RP1: variants seen among roughly 807,000 people sequenced by gnomAD.
RP1 encodes the protein RP1 axonemal microtubule associated, also known as oxygen-regulated protein 1.
RP1 carries 16 observed loss-of-function variants against 14.8 expected under a neutral mutation model. That is an observed-to-expected ratio of 1.08 (90% CI 0.73 to 1.65). The LOEUF (loss-of-function observed/expected upper bound fraction) is 1.65, where lower values mean the gene tolerates loss of function less well. Among genes scored for constraint, RP1 ranks in the 40% most tolerant of loss-of-function variants. The pLI is 0.00. For synonymous variants in RP1, 876 were observed against 883.6 expected (o/e 0.99, Z 0.15); for missense variants, 2,631 against 2,535.0 (o/e 1.04, Z -0.81).
intron 25 of RP1, among the ~76,000 whole-genome samples, chr8:54,847,548 T>G (rs960879836): frequency 6.6e-6 from 1 of 152,210 alleles, no homozygotes; most frequent in Non-Finnish European, 1.5e-5. Context: ...CATTTTAGAT[T>G]GTGCGATCTT....
At chr8:54,581,140 T>G (rs1463014520) in intron 1 of RP1, among the ~76,000 whole-genome samples, 1 of 152,164 alleles carries the variant, frequency 6.6e-6, no homozygotes, top group Non-Finnish European at 1.5e-5. Flanking sequence ...TATCTCCTAA[T>G]GCTATCCCTC....
chr8:54,750,813 C>T (rs985079824), intron 19 of RP1, among the ~76,000 whole-genome samples: 23 of 152,160 alleles, frequency 1.5e-4, no homozygotes, highest in African/African-American at 5.1e-4. Context: ...ACGCACCAAT[C>T]AGTGGTCTGT....
At chr8:54,856,098 T>G (rs1220174683) in intron 26 of RP1, among the ~76,000 whole-genome samples, 2 of 152,110 alleles carry the variant, frequency 1.3e-5, no homozygotes, top group Non-Finnish European at 2.9e-5. Flanking sequence ...AGTGGATAAA[T>G]AATTTCGAGT....
In RP1 at chr8:54,787,146, T is replaced by C. The variant is rs532901007; in HGVS notation, c.3615+3436T>C. 3.5e-4 allele frequency among the ~76,000 whole-genome samples: 54 copies of C among 152,252 alleles called. 1 individual carries two copies. In the South Asian group the frequency reaches 4.6e-3, roughly 13 times the overall value. On this transcript the variant is annotated intron_variant, in intron 24 of 28. Coordinates refer to the RP1 transcript ENST00000637698. ...CAGCAATTTTGATATATACCCTCTA[T>C]AGACTATAGAGTTCAGCTCTATGGT...
intron 13 of RP1, among the ~76,000 whole-genome samples, chr8:54,700,936 A>G (rs1438542075): frequency 6.6e-6 from 1 of 152,130 alleles, no homozygotes; most frequent in East Asian, 1.9e-4. Context: ...TGATAGACTT[A>G]GTGTTTTGGA....
exon 26 of RP1, chr8:54,852,679 G>A (rs1168430795): frequency 5.7e-6 from 7 of 1,231,878 alleles, no homozygotes; most frequent in Admixed American, 4.2e-5. Context: ...TCAGGAAAAC[G>A]AAGACTTCAT....
In RP1 at chr8:54,621,264, G is replaced by A. The variant is rs773121520; in HGVS notation, c.298G>A (p.Asp100Asn). 8.7e-6 allele frequency: 14 copies of A among 1,613,980 alleles called. No homozygotes were observed. Among genetic ancestry groups the A allele is most frequent in the Non-Finnish European group, 1.1e-5 (13 of 1,180,040 alleles). Residue 100 changes from aspartate to asparagine, a missense_variant, in exon 2 of 4, where the codon GAC becomes AAC. By Grantham distance (23) the Asp-to-Asn change is conservative (BLOSUM62 1). Coordinates refer to ENST00000220676, the MANE Select transcript of RP1 (RefSeq NM_006269.2). ...CATCACGCGCCTGGAGGAGCTGGAGGACGGCGAGTCCTACCTATGTTCCCA... is the reference window on the plus strand; with the variant it reads ...CATCACGCGCCTGGAGGAGCTGGAGAACGGCGAGTCCTACCTATGTTCCCA... ...HSITRLEELE[D>N]GESYLCSHGR...
chr8:54,663,825 G>C lies in RP1; in HGVS notation c.1298G>C (p.Ser433Thr), dbSNP rs971203515. Residue 433 changes from serine to threonine, a missense_variant, in exon 7 of 23, where the codon AGC becomes ACC. By Grantham distance (58) the Ser-to-Thr change is moderately conservative. Transcript: ENST00000636932. ...TCCAGACAACTATTTAGATCGAAGAGCTCCTTCAATTTTTTAAGAGGACAA... is the reference window on the plus strand; with the variant it reads ...TCCAGACAACTATTTAGATCGAAGACCTCCTTCAATTTTTTAAGAGGACAA... 5.9e-6 allele frequency: 9 copies of C among 1,528,406 alleles called. No homozygotes were observed. In the African/African-American group the frequency reaches 1.2e-4, roughly 21 times the overall value. The allele number at this position is 1,528,406 out of a possible 1,614,324, so 94.7% of individuals were successfully genotyped here.
At position 54,627,696 on chromosome 8, in the gene RP1, G is replaced by C. The variant is rs1364164206; in HGVS notation, c.3814G>C (p.Glu1272Gln). ...TGTAAATAAGGCTTATTCTCCAAAAGAGACATGTAACCCCAGTGACACTTT... is the reference window on the plus strand; with the variant it reads ...TGTAAATAAGGCTTATTCTCCAAAACAGACATGTAACCCCAGTGACACTTT... The part of the protein sequence containing the change: ...CTVNKAYSPK[E>Q]TCNPSDTFFP... The change falls in exon 4 of 4, where the codon GAG (glutamate) becomes CAG (glutamine). Residue 1272 changes from glutamate to glutamine, a missense_variant. By Grantham distance (29) the Glu-to-Gln change is conservative. Transcript: ENST00000220676. 3.1e-6 allele frequency: 5 copies of C among 1,614,194 alleles called. No individual in the cohort carries two copies. In the Admixed American group the frequency reaches 6.7e-5, roughly 22 times the overall value.
At chr8:54,640,520 C>A (rs1030466203) in intron 3 of RP1, among the ~76,000 whole-genome samples, 2 of 152,188 alleles carry the variant, frequency 1.3e-5, no homozygotes, top group African/African-American at 4.8e-5. Flanking sequence ...TAGCTTGGAA[C>A]TTCCCCCTGC....
At chr8:54,866,813 C>T (rs1307827999) in intron 28 of RP1, among the ~76,000 whole-genome samples, 3 of 152,198 alleles carry the variant, frequency 2.0e-5, no homozygotes, top group Non-Finnish European at 4.4e-5. Flanking sequence ...CTTATATATG[C>T]TGTGAAGACC....
Position 54,636,601 on chromosome 8 carries a change from G to C in RP1, c.788-12384G>C, listed in dbSNP as rs565106372. On this transcript the variant is annotated intron_variant, in intron 3 of 22. Transcript: ENST00000636932. ...AAAAATATAAAAATTAGCTGGGCCT[G>C]GTCGTGGGCGCCTGTAATCCTAGCT... Among the ~76,000 whole-genome samples the C allele has an allele frequency of 4.6e-5, 7 of 152,286 alleles. No individual in the cohort carries two copies. The East Asian group carries it at 1.2e-3, about 25-fold the overall frequency.
At position 54,625,028 on chromosome 8, in the gene RP1, T is replaced by C; in HGVS notation, c.1146T>C (p.Leu382=). Reference sequence around the variant, plus strand: ...AAAGTCGATCATCTGGTTTAAAGCTTGCAGCATGTTCATTCTCTGCAGATG... The same window carrying C: ...AAAGTCGATCATCTGGTTTAAAGCTCGCAGCATGTTCATTCTCTGCAGATG... ...RTESRSSGLK[L]AACSFSADVS... The change falls in exon 4 of 4, where the codon CTT becomes CTC. Residue 382 remains leucine (L), a synonymous_variant. Coordinates refer to ENST00000220676, the MANE Select transcript of RP1 (RefSeq NM_006269.2). 1 of 1,614,188 alleles carries C rather than the reference T, an allele frequency of 6.2e-7. No individual in the cohort carries two copies. The highest frequency in any genetic ancestry group is 8.5e-7 in the Non-Finnish European group (1 of 1,180,028).
chr8:54,845,944 A>G (rs1391460), intron 25 of RP1, among the ~76,000 whole-genome samples: 1 of 152,176 alleles, frequency 6.6e-6, no homozygotes, highest in South Asian at 2.1e-4. Flanking sequence ...CACATATAGA[A>G]GTCTGATAGG....
intron 12 of RP1, chr8:54,697,224 C>A: frequency 1.6e-6 from 1 of 644,434 alleles, no homozygotes; most frequent in Non-Finnish European, 2.8e-6. Flanking sequence ...TTATTTCCTG[C>A]GTTATCTTCA....
chr8:54,683,317 G>A (rs898088731), intron 12 of RP1, among the ~76,000 whole-genome samples: 5 of 152,036 alleles, frequency 3.3e-5, no homozygotes, highest in Non-Finnish European at 7.4e-5. Context: ...TTTTAACACA[G>A]CTTTTTTTCT....
exon 19 of RP1, chr8:54,738,986 G>C: frequency 1.3e-6 from 2 of 1,530,714 alleles, no homozygotes; most frequent in Non-Finnish European, 8.7e-7. Context: ...ATAAGGATAG[G>C]ACATGATGGA....
chr8:54,638,824 T>C (rs1272508275), intron 3 of RP1, among the ~76,000 whole-genome samples: 2 of 152,166 alleles, frequency 1.3e-5, no homozygotes, highest in Admixed American at 6.5e-5. Flanking sequence ...ATTTCTATTA[T>C]GAATATTACC....
chr8:54,854,561 A>T (rs1311204991), intron 26 of RP1, among the ~76,000 whole-genome samples: 1 of 152,222 alleles, frequency 6.6e-6, no homozygotes, highest in African/African-American at 2.4e-5. Flanking sequence ...GTTGATTAGG[A>T]CTTTAAAAGT....
Sources: gnomAD v4.1 joint callset for allele counts (sites outside exome capture counted in the v4.1 genomes callset) on GRCh38, gnomAD v4.1.1 for gene constraint, MANE v1.5 for transcripts, NCBI Gene and HGNC (gene_info 2026-07-23, HGNC 2026-07-21) for gene names.